TMEM39B: variants seen among roughly 807,000 people sequenced by gnomAD.
TMEM39B encodes transmembrane protein 39B.
In TMEM39B, 23 loss-of-function variants were observed where a neutral mutation model predicts 52.2. The observed-to-expected ratio is 0.44, with a 90% CI of 0.32 to 0.62. The LOEUF (loss-of-function observed/expected upper bound fraction) is 0.62. Ranked by LOEUF, TMEM39B falls within the 20% of genes least tolerant of loss-of-function variation. TMEM39B has a pLI of 0.06. For missense variants in TMEM39B, 547 were observed against 642.0 expected (o/e 0.85, Z 1.60); for synonymous variants, 285 against 264.0 (o/e 1.08, Z -0.77).
chr1:32,080,758 T>C (rs1640061750), intron 5 of TMEM39B, among the ~76,000 whole-genome samples: 1 of 151,928 alleles, frequency 6.6e-6, no homozygotes, highest in Non-Finnish European at 1.5e-5. Flanking sequence ...TGGATGCAGA[T>C]AACACCCAAT....
chr1:32,072,835 G>C, upstream of TMEM39B: 1 of 565,774 alleles, frequency 1.8e-6, no homozygotes, highest in South Asian at 2.1e-5. Context: ...GAGACAAAGA[G>C]CGCGCAGGCA....
In TMEM39B at chr1:32,102,413, C is replaced by T. The variant is rs1186099530; in HGVS notation, c.1237-18C>T. Reference sequence around the variant, plus strand: ...TCTGGAGCACACCTTTTAGCCATGCCCACCCGCTTCCGGGCAGTTCTTTTT... The same window carrying T: ...TCTGGAGCACACCTTTTAGCCATGCTCACCCGCTTCCGGGCAGTTCTTTTT... On this transcript the variant is annotated intron_variant, in intron 8 of 8. Coordinates refer to ENST00000336294, the MANE Select transcript of TMEM39B (RefSeq NM_018056.4). The T allele has an allele frequency of 2.5e-6, 4 of 1,609,396 alleles. No individual in the cohort carries two copies. Among genetic ancestry groups the T allele is most frequent in the East Asian group, 2.2e-5 (1 of 44,738 alleles).
At chr1:32,084,151 GCCTTTCTTTTTTCTTATTGACAA>G (rs557407060) in intron 5 of TMEM39B, among the ~76,000 whole-genome samples, 1 of 152,056 alleles carries the variant, frequency 6.6e-6, no homozygotes, top group South Asian at 2.1e-4. Flanking sequence ...CTTTCTAATT[GCCTTTCTTTTTTCTTATTGACAA>G]AAGAATGATG....
At chr1:32,073,170 C>T in intron 1 of TMEM39B, 119 bp downstream of exon 1, 1 of 1,227,416 alleles carries the variant, frequency 8.1e-7, no homozygotes, top group Non-Finnish European at 1.0e-6. Flanking sequence ...GGAGGGGATG[C>T]GAGCGCAGAC....
chr1:32,100,330 C>T (rs1640970848), intron 7 of TMEM39B, 112 bp from the exon 8 acceptor site: 13 of 1,248,542 alleles, frequency 1.0e-5, no homozygotes, highest in Non-Finnish European at 1.4e-5. Flanking sequence ...GTCAGCGTGT[C>T]TAAGTGATAG....
intron 5 of TMEM39B, among the ~76,000 whole-genome samples, chr1:32,089,683 G>A (rs2124473782): frequency 6.8e-6 from 1 of 147,498 alleles, no homozygotes; most frequent in Non-Finnish European, 1.5e-5. Context: ...GTCTCACTCT[G>A]TTACCCAGGC....
At chr1:32,096,669 G>A (rs772166577) in intron 7 of TMEM39B, among the ~76,000 whole-genome samples, 5 of 151,878 alleles carry the variant, frequency 3.3e-5, no homozygotes, top group African/African-American at 4.8e-5. Flanking sequence ...CCATGTTAGC[G>A]AGGCTGGTCT....
intron 6 of TMEM39B, 89 bp downstream of exon 6, chr1:32,092,100 A>AT (rs1394525915): frequency 8.0e-7 from 1 of 1,242,566 alleles, no homozygotes; most frequent in African/African-American, 1.5e-5. Flanking sequence ...TGGCCTAACT[A>AT]TGCTGTTTTT....
rs1478299211 is a variant in TMEM39B at position 32,075,744 on chromosome 1, A to G, written c.273A>G (p.Ala91=). Residue 91 remains alanine, a synonymous_variant, in exon 3 of 9, where the codon GCA becomes GCG. Transcript: ENST00000336294. The part of the protein sequence containing the change: ...ELQLFFCQLI[A]LFVHYINIYK... ...AGCTCTTCTTCTGCCAGCTCATAGC[A>G]CTCTTCGTCCACTACATCAACATCT... 6.4e-7 allele frequency: 1 copy of G among 1,551,050 alleles called. No individual in the cohort carries two copies. The highest frequency in any genetic ancestry group is 8.7e-7 in the Non-Finnish European group (1 of 1,146,876).
rs1453857925 is a variant in TMEM39B at position 32,100,581 on chromosome 1, G to T, written c.1236+19G>T. The T allele has an allele frequency of 6.2e-7, 1 of 1,614,136 alleles. No homozygotes were observed. Among genetic ancestry groups the T allele is most frequent in the Non-Finnish European group, 8.5e-7 (1 of 1,179,994 alleles). ...CTTCCATGTGAGTCTCCTCCCCGGG[G>T]AAGGAGGGTTGGGGCCTGAGAGGGT... On this transcript the variant is annotated intron_variant, in intron 8 of 8. Transcript: ENST00000336294.
At chr1:32,076,285 A>G in intron 3 of TMEM39B, 1 of 254,422 alleles carries the variant, frequency 3.9e-6, no homozygotes, top group Non-Finnish European at 7.9e-6. Context: ...CTAATTTTGT[A>G]TTTTTAGTGG....
chr1:32,074,803 T>C, intron 1 of TMEM39B, 148 bp from the exon 2 acceptor site: 1 of 1,009,078 alleles, frequency 9.9e-7, no homozygotes. Flanking sequence ...GGGATGAAGC[T>C]GAAGATGTAA....
At chr1:32,093,399 CTTTTTTTTTTTTTTT>C (rs34793281) in intron 6 of TMEM39B, among the ~76,000 whole-genome samples, 3 of 50,334 alleles carry the variant, frequency 6.0e-5, no homozygotes, top group African/African-American at 1.1e-4. Context: ...AAGCCCGGCC[CTTTTTTTTTTTTTTT>C]TTTTTTTTTT....
At chr1:32,086,197 A>G (rs947044815) in intron 5 of TMEM39B, among the ~76,000 whole-genome samples, 1 of 152,158 alleles carries the variant, frequency 6.6e-6, no homozygotes, top group African/African-American at 2.4e-5. Context: ...ATAAATAAAC[A>G]TAGGTCATTG....
At position 32,077,271 on chromosome 1, in the gene TMEM39B, C is replaced by G. The variant is rs1366773796; in HGVS notation, c.543C>G (p.His181Gln). The G allele has an allele frequency of 1.2e-6, 2 of 1,614,072 alleles. No homozygotes were observed. The highest frequency in any genetic ancestry group is 8.5e-7 in the Non-Finnish European group (1 of 1,180,044). ...GGAGTCTGTGCCGATCCCTCATCCACCTCTTCAGGACCTACTCCTTCCTGA... is the reference window on the plus strand; with the variant it reads ...GGAGTCTGTGCCGATCCCTCATCCAGCTCTTCAGGACCTACTCCTTCCTGA... Reference protein sequence around the residue: ...TGWSLCRSLIHLFRTYSFLNL... With the variant: ...TGWSLCRSLIQLFRTYSFLNL... The change falls in exon 5 of 9, where the codon CAC becomes CAG. Residue 181 changes from histidine to glutamine, a missense_variant. His to Gln is a conservative substitution (Grantham distance 24). Transcript: ENST00000336294.
chr1:32,100,932 G>A (rs1395133086), intron 8 of TMEM39B, among the ~76,000 whole-genome samples: 1 of 152,180 alleles, frequency 6.6e-6, no homozygotes, highest in Non-Finnish European at 1.5e-5. Flanking sequence ...TCGGGAGGCT[G>A]AGGAGGGAGA....
chr1:32,077,379 C>G (rs1235409272), intron 5 of TMEM39B, 61 bp downstream of exon 5: 1 of 1,585,224 alleles, frequency 6.3e-7, no homozygotes, highest in East Asian at 2.3e-5. Flanking sequence ...TCTGCCCTGA[C>G]CGTAGCTGGC....
chr1:32,077,389 C>A, intron 5 of TMEM39B, 71 bp downstream of exon 5: 1 of 1,554,596 alleles, frequency 6.4e-7, no homozygotes, highest in Non-Finnish European at 8.8e-7. Flanking sequence ...CCGTAGCTGG[C>A]TCACCAGGCC....
rs780116749 is a variant in TMEM39B at position 32,102,419 on chromosome 1, G to A, written c.1237-12G>A. 17 of 1,610,258 alleles carry A rather than the reference G, an allele frequency of 1.1e-5. No homozygotes were observed. Among genetic ancestry groups the A allele is most frequent in the Non-Finnish European group, 1.4e-5 (16 of 1,177,946 alleles). On this transcript the variant is annotated splice_polypyrimidine_tract_variant and intron_variant, in intron 8 of 8. Transcript: ENST00000336294. Reference sequence around the variant, plus strand: ...GCACACCTTTTAGCCATGCCCACCCGCTTCCGGGCAGTTCTTTTTCAGCAA... The same window carrying A: ...GCACACCTTTTAGCCATGCCCACCCACTTCCGGGCAGTTCTTTTTCAGCAA...
Sources: gnomAD v4.1 joint callset for allele counts (sites outside exome capture counted in the v4.1 genomes callset) on GRCh38, gnomAD v4.1.1 for gene constraint, MANE v1.5 for transcripts, NCBI Gene and HGNC (gene_info 2026-07-23, HGNC 2026-07-21) for gene names.